Variants in NPTN observed in about 807,000 individuals in gnomAD.
NPTN encodes SDR-1.
NPTN carries 5 observed loss-of-function variants against 42.7 expected under a neutral mutation model. The observed-to-expected ratio is 0.12, with a 90% confidence interval of 0.06 to 0.25. The LOEUF (loss-of-function observed/expected upper bound fraction) is 0.25, where lower values mean the gene tolerates loss of function less well. Ranked by LOEUF, NPTN falls within the 10% of genes least tolerant of loss-of-function variation. The probability of loss-of-function intolerance (pLI) is 1.00; values close to 1 mark genes in which losing one functional copy is unlikely to be tolerated. For missense variants in NPTN, 307 were observed against 525.4 expected (o/e 0.58, Z 4.06); for synonymous variants, 180 against 201.9 (o/e 0.89, Z 0.92).
chr15:73,580,431 TAATATATATA>T (rs1566965615), intron 4 of NPTN, among the ~76,000 whole-genome samples: 9,386 of 97,186 alleles, frequency 0.097, 558 homozygotes, highest in African/African-American at 0.16. Context: ...AATATATATA[TAATATATATA>T]ATATATATGT....
intron 2 of NPTN, 55 bp from the exon 3 acceptor site, chr15:73,592,192 C>CCG: frequency 6.6e-7 from 1 of 1,515,266 alleles, no homozygotes; most frequent in Non-Finnish European, 9.0e-7. Context: ...CTCTGTAGCC[C>CCG]TGGCCTGAGA....
intron 4 of NPTN, among the ~76,000 whole-genome samples, chr15:73,581,633 G>C (rs1896049498): frequency 6.6e-6 from 1 of 152,184 alleles, no homozygotes; most frequent in Non-Finnish European, 1.5e-5. Flanking sequence ...GAGGACGAAT[G>C]CATGTTCCTT....
At chr15:73,586,437 C>G (rs1433089069) in intron 4 of NPTN, among the ~76,000 whole-genome samples, 1 of 152,190 alleles carries the variant, frequency 6.6e-6, no homozygotes, top group African/African-American at 2.4e-5. Context: ...TTTAGGCATT[C>G]AGAATTAAAC....
At chr15:73,572,171 TA>T (rs748895687) in intron 5 of NPTN, among the ~76,000 whole-genome samples, 70 of 152,334 alleles carry the variant, frequency 4.6e-4, no homozygotes, top group Admixed American at 3.3e-4. Flanking sequence ...GTAGGAAGAA[TA>T]ATGGACTTGA....
In NPTN at chr15:73,560,959, G is replaced by A. The variant is rs1363567175; in HGVS notation, c.*104C>T. On this transcript the variant is annotated 3_prime_UTR_variant, in exon 9 of 9. Coordinates refer to ENST00000345330, the MANE Select transcript of NPTN (RefSeq NM_012428.4). ...GCATGCTTTAGACAGTCATTGTGGT[G>A]TTGCTCACTTGAAAGGGGAGAGAAC... The A allele has an allele frequency of 1.3e-5, 2 of 152,584 alleles. No individual in the cohort carries two copies. The highest frequency in any genetic ancestry group is 2.9e-5 in the Non-Finnish European group (2 of 68,030). 9.5% of individuals were successfully genotyped at this position (152,584 alleles called of 1,614,324 possible).
At chr15:73,586,849 C>T (rs1371353894) in intron 4 of NPTN, among the ~76,000 whole-genome samples, 5 of 152,218 alleles carry the variant, frequency 3.3e-5, no homozygotes, top group Admixed American at 6.5e-5. Context: ...CTGCCACAAA[C>T]TCACTGTGTG....
Position 73,563,315 on chromosome 15 carries a change from CTGTT to C in NPTN, c.1115-62_1115-59del, listed in dbSNP as rs1175187137. 6 of 1,604,176 alleles carry C rather than the reference CTGTT, an allele frequency of 3.7e-6. No individual in the cohort carries two copies. The Admixed American group carries it at 1.0e-4, about 27-fold the overall frequency. ...AGAGATAAGAGAAGAAAGGAGAAAACTGTTAGATTCTGCATAAGGATTAACAGAA... is the reference window on the plus strand; with the variant it reads ...AGAGATAAGAGAAGAAAGGAGAAAACAGATTCTGCATAAGGATTAACAGAA... On this transcript the variant is annotated intron_variant, in intron 6 of 8. Transcript: ENST00000345330.
rs201783258 is a variant in NPTN at position 73,597,386 on chromosome 15, C to T, written c.92-17G>A. Reference sequence around the variant, plus strand: ...CAAACCCAGCTAGAGGGAGGGGGAGCAGGAATGCAGTGACAGGCCAATCAG... The same window carrying T: ...CAAACCCAGCTAGAGGGAGGGGGAGTAGGAATGCAGTGACAGGCCAATCAG... On this transcript the variant is annotated splice_polypyrimidine_tract_variant and intron_variant, in intron 1 of 8. Coordinates refer to ENST00000345330, the MANE Select transcript of NPTN (RefSeq NM_012428.4). The surrounding 1 kb of genome is among the most constrained non-coding windows in gnomAD (Gnocchi z 6.3). 48 of 1,565,962 alleles carry T rather than the reference C, an allele frequency of 3.1e-5. 1 individual carries two copies. The Admixed American group carries it at 7.6e-4, about 25-fold the overall frequency.
chr15:73,566,130 T>A (rs1894985876), intron 6 of NPTN, among the ~76,000 whole-genome samples: 1 of 152,228 alleles, frequency 6.6e-6, no homozygotes, highest in African/African-American at 2.4e-5. Context: ...ATTTTCTCCA[T>A]GAGGTAACTT....
chr15:73,583,255 CCTAA>C (rs1228604664), intron 4 of NPTN, among the ~76,000 whole-genome samples: 15 of 152,170 alleles, frequency 9.9e-5, no homozygotes, highest in Admixed American at 4.6e-4. Context: ...ACACATTTCT[CCTAA>C]CTCTTAGTCA....
Position 73,633,105 on chromosome 15 carries a change from G to A in NPTN, c.91+20C>T, listed in dbSNP as rs200894810. 19 of 1,257,610 alleles carry A rather than the reference G, an allele frequency of 1.5e-5. No homozygotes were observed. The East Asian group carries it at 2.9e-4, about 19-fold the overall frequency. The allele number at this position is 1,257,610 out of a possible 1,614,324, so 77.9% of individuals were successfully genotyped here. On this transcript the variant is annotated intron_variant, in intron 1 of 8. Transcript: ENST00000345330. ...GCGCCCCTCAACCCCCGCCCGGCCC[G>A]CCCCCGGCGCCCCGCTTACCGTTCT...
intron 2 of NPTN, among the ~76,000 whole-genome samples, chr15:73,593,338 T>A (rs1342728643): frequency 1.3e-5 from 2 of 152,220 alleles, no homozygotes; most frequent in African/African-American, 4.8e-5. Flanking sequence ...CTACTTTTGA[T>A]CAAACATTTC....
intron 1 of NPTN, among the ~76,000 whole-genome samples, chr15:73,614,443 TC>T (rs1897760540): frequency 6.6e-6 from 1 of 152,236 alleles, no homozygotes; most frequent in South Asian, 2.1e-4. Context: ...ATTTCTAAGG[TC>T]CTTTCAGCTT....
chr15:73,598,069 C>A (rs979601710), intron 1 of NPTN, among the ~76,000 whole-genome samples: 2 of 152,158 alleles, frequency 1.3e-5, no homozygotes, highest in Non-Finnish European at 2.9e-5. Context: ...TGAATGCAGA[C>A]CCTCAGGAGA....
intron 1 of NPTN, among the ~76,000 whole-genome samples, chr15:73,622,495 GT>G (rs200224289): frequency 8.0e-6 from 1 of 125,190 alleles, no homozygotes; most frequent in African/African-American, 3.0e-5. Flanking sequence ...AGGGAGAATT[GT>G]TTTAAAAAAA....
chr15:73,618,256 G>C (rs1349152072), intron 1 of NPTN, among the ~76,000 whole-genome samples: 1 of 152,012 alleles, frequency 6.6e-6, no homozygotes, highest in Non-Finnish European at 1.5e-5. Context: ...TGACCCTTTG[G>C]GGATTAAAAG....
In NPTN at chr15:73,582,334, T is replaced by G. The variant is rs977193962; in HGVS notation, c.706+5190A>C. On this transcript the variant is annotated intron_variant, in intron 4 of 8. Transcript: ENST00000345330. Reference sequence around the variant, plus strand: ...TCTTTGTGGTGGACAAAATGAACACTTGGCTGACGGCAGTGGGAGAGTGAA... The same window carrying G: ...TCTTTGTGGTGGACAAAATGAACACGTGGCTGACGGCAGTGGGAGAGTGAA... 1.3e-5 allele frequency among the ~76,000 whole-genome samples: 2 copies of G among 152,278 alleles called. 1 individual carries two copies. Among genetic ancestry groups the G allele is most frequent in the South Asian group, 4.1e-4 (2 of 4,826 alleles).
chr15:73,591,668 G>A (rs1447544947), intron 3 of NPTN: 2 of 202,194 alleles, frequency 9.9e-6, no homozygotes, highest in East Asian at 2.3e-4. Flanking sequence ...CATTCTAAGT[G>A]TGACTCTCCT....
chr15:73,583,526 T>A (rs1045179722), intron 4 of NPTN, among the ~76,000 whole-genome samples: 3 of 152,154 alleles, frequency 2.0e-5, no homozygotes, highest in Non-Finnish European at 4.4e-5. Context: ...TGACCCACAG[T>A]AAGTGTGCAA....
Sources: allele counts gnomAD v4.1 joint callset (sites outside exome capture counted in the v4.1 genomes callset), GRCh38; gene constraint gnomAD v4.1.1; non-coding constraint Gnocchi (gnomAD v3.1); transcripts MANE v1.5; gene names NCBI Gene and HGNC (gene_info 2026-07-23, HGNC 2026-07-21).